The following CYP2U1 variants were observed in gnomAD, a reference collection of about 807,000 sequenced individuals.
The protein encoded by CYP2U1 is cytochrome P450 family 2 subfamily U member 1.
A neutral mutation model predicts 42.8 loss-of-function variants in CYP2U1; 28 were observed. That is an observed-to-expected ratio of 0.65 (90% CI 0.48 to 0.90). The LOEUF is 0.90. Ranked by LOEUF, CYP2U1 falls within the 40% of genes least tolerant of loss-of-function variation. CYP2U1 has a pLI of 0.00. For missense variants in CYP2U1, 642 were observed against 693.8 expected, an observed-to-expected ratio of 0.93 and a Z score of 0.84; for synonymous variants, 296 against 278.9, an observed-to-expected ratio of 1.06 and a Z score of -0.61.
chr4:107,932,151 G>A lies in CYP2U1; in HGVS notation c.490+18G>A, dbSNP rs781284978. On this transcript the variant is annotated intron_variant, in intron 1 of 4. Coordinates refer to ENST00000332884, the MANE Select transcript of CYP2U1 (RefSeq NM_183075.3). ...GGAGAAGGGTGAGCGGGAGGTCGTG[G>A]GCTGTGGGTACGCGGATGCCGCGGA... 1.3e-5 allele frequency: 20 copies of A among 1,595,598 alleles called. No homozygotes were observed. The highest frequency in any genetic ancestry group is 3.4e-5 in the South Asian group (3 of 88,678).
intron 1 of CYP2U1, among the ~76,000 whole-genome samples, chr4:107,934,630 G>A (rs1051787749): frequency 6.6e-6 from 1 of 152,072 alleles, no homozygotes; most frequent in Non-Finnish European, 1.5e-5. Flanking sequence ...GACCTACTAT[G>A]GCCTGAAGGA....
At chr4:107,937,079 A>T (rs936386514) in intron 1 of CYP2U1, among the ~76,000 whole-genome samples, 2 of 152,240 alleles carry the variant, frequency 1.3e-5, no homozygotes, top group Non-Finnish European at 2.9e-5. Flanking sequence ...GGATAATATC[A>T]CTGGAGACTT....
chr4:107,933,453 A>T (rs1040960934), intron 1 of CYP2U1, among the ~76,000 whole-genome samples: 1 of 152,254 alleles, frequency 6.6e-6, no homozygotes, highest in Non-Finnish European at 1.5e-5. Context: ...CATGTAGTGG[A>T]TGAGGTGTGA....
At chr4:107,942,413 T>C (rs1044691216) in intron 1 of CYP2U1, among the ~76,000 whole-genome samples, 1 of 152,164 alleles carries the variant, frequency 6.6e-6, no homozygotes, top group Non-Finnish European at 1.5e-5. Flanking sequence ...CTAAATAAGT[T>C]TGAGAAACTG....
In CYP2U1 at chr4:107,952,243, T is replaced by C. The variant is rs1733935556; in HGVS notation, c.*1820T>C. Reference sequence around the variant, plus strand: ...GTGATAAATCAGTGTATATTATTTGTTAATGTCCATTAAAGCCAGTTTTTA... The same window carrying C: ...GTGATAAATCAGTGTATATTATTTGCTAATGTCCATTAAAGCCAGTTTTTA... On this transcript the variant is annotated 3_prime_UTR_variant, in exon 5 of 5. Coordinates refer to ENST00000332884, the MANE Select transcript of CYP2U1 (RefSeq NM_183075.3). 1 of 152,252 alleles carries C rather than the reference T, an allele frequency of 6.6e-6. No homozygotes were observed. The allele number at this position is 152,252 out of a possible 1,614,324, so 9.4% of individuals were successfully genotyped here. A position where few individuals can be genotyped will look rare whatever the true frequency, so the allele number is the denominator to read the frequency against.
Position 107,931,699 on chromosome 4 carries a change from G to C in CYP2U1, c.56G>C (p.Arg19Pro). The change falls in exon 1 of 5, where the codon CGC (arginine) becomes CCC (proline). Residue 19 changes from arginine (R) to proline (P), a missense_variant. Coordinates refer to ENST00000332884, the MANE Select transcript of CYP2U1 (RefSeq NM_183075.3). Reference protein sequence around the residue: ...PPAEDPPWPARLLRAPLGLLR... With the variant: ...PPAEDPPWPAPLLRAPLGLLR... ...GCCGAGGACCCGCCCTGGCCCGCGC[G>C]CCTCCTGCGTGCGCCTCTGGGGCTG... 3 of 1,341,958 alleles carry C rather than the reference G, an allele frequency of 2.2e-6. No individual in the cohort carries two copies. The highest frequency in any genetic ancestry group is 2.8e-6 in the Non-Finnish European group (3 of 1,055,742). 83.1% of individuals were successfully genotyped at this position (1,341,958 alleles called of 1,614,324 possible).
intron 1 of CYP2U1, among the ~76,000 whole-genome samples, chr4:107,935,009 C>T (rs1733206825): frequency 6.6e-6 from 1 of 152,106 alleles, no homozygotes; most frequent in South Asian, 2.1e-4. Flanking sequence ...CCACTGTATC[C>T]CTACTTCTTG....
chr4:107,939,516 G>A (rs1223290930), intron 1 of CYP2U1, among the ~76,000 whole-genome samples: 2 of 152,140 alleles, frequency 1.3e-5, no homozygotes, highest in East Asian at 1.9e-4. Context: ...CTACATTTCT[G>A]CACCACAACA....
intron 1 of CYP2U1, chr4:107,938,512 G>GA (rs1453646101): frequency 6.6e-6 from 1 of 152,126 alleles, no homozygotes; most frequent in African/African-American, 2.4e-5. Flanking sequence ...ATTTTTCATT[G>GA]AAAAGCTGGT....
At chr4:107,947,243 C>T (rs1380358308) in intron 2 of CYP2U1, 133 bp from the exon 3 acceptor site, 2 of 743,244 alleles carry the variant, frequency 2.7e-6, no homozygotes, top group Admixed American at 2.5e-5. Context: ...GCTTCAACTT[C>T]ACTGAGGCAG....
chr4:107,948,522 G>A (rs1427411158), intron 3 of CYP2U1, among the ~76,000 whole-genome samples: 8 of 152,008 alleles, frequency 5.3e-5, no homozygotes, highest in Non-Finnish European at 8.8e-5. Flanking sequence ...AGCCAAGATT[G>A]CACCACTGCA....
intron 1 of CYP2U1, among the ~76,000 whole-genome samples, chr4:107,932,580 A>G (rs1170083399): frequency 1.3e-5 from 2 of 152,204 alleles, no homozygotes; most frequent in African/African-American, 4.8e-5. Flanking sequence ...CAATAAGATA[A>G]AAAGTCCAGA....
rs139224667 is a variant in CYP2U1 at position 107,950,324 on chromosome 4, A to G, written c.1536A>G (p.Ala512=). ...LMFVSLMQSF[A]FALPEDSKKP... ...TTGTGAGCCTAATGCAGAGTTTCGC[A>G]TTTGCTTTACCTGAGGATTCTAAGA... The change falls in exon 5 of 5, where the codon GCA becomes GCG. Residue 512 remains alanine (A), a synonymous_variant. Transcript: ENST00000332884. The G allele has an allele frequency of 3.7e-6, 6 of 1,613,952 alleles. No individual in the cohort carries two copies. The highest frequency in any genetic ancestry group is 1.3e-5 in the African/African-American group (1 of 74,916).
At chr4:107,940,268 T>C (rs1219471890) in intron 1 of CYP2U1, 1 of 151,870 alleles carries the variant, frequency 6.6e-6, no homozygotes, top group Non-Finnish European at 1.5e-5. Flanking sequence ...TTTTTATTTT[T>C]TAAAGACAGG....
At chr4:107,937,558 GA>G (rs1266282431) in intron 1 of CYP2U1, 1 of 151,288 alleles carries the variant, frequency 6.6e-6, no homozygotes, top group African/African-American at 2.4e-5. Flanking sequence ...GCCCAGGCTG[GA>G]GTGCAGTTGC....
At chr4:107,947,621 G>C (rs754863289) in intron 3 of CYP2U1, 84 bp downstream of exon 3, 15 of 1,373,276 alleles carry the variant, frequency 1.1e-5, no homozygotes, top group African/African-American at 1.4e-5. Flanking sequence ...GGGGTGTGGT[G>C]ACTGTTGTCT....
At chr4:107,933,852 T>C (rs1733145660) in intron 1 of CYP2U1, among the ~76,000 whole-genome samples, 1 of 152,192 alleles carries the variant, frequency 6.6e-6, no homozygotes, top group Non-Finnish European at 1.5e-5. Flanking sequence ...AGTCTACACA[T>C]TCAGTACAGA....
chr4:107,948,847 A>G (rs112617455), intron 3 of CYP2U1, among the ~76,000 whole-genome samples: 3 of 152,186 alleles, frequency 2.0e-5, no homozygotes, highest in Non-Finnish European at 2.9e-5. Flanking sequence ...TACAAGTTAG[A>G]TAGACTGTTT....
intron 1 of CYP2U1, chr4:107,936,139 G>A (rs1349319987): frequency 1.3e-5 from 2 of 152,076 alleles, no homozygotes; most frequent in Non-Finnish European, 2.9e-5. Context: ...AACTAGATAG[G>A]CCATAAAGAT....
Sources: gnomAD v4.1 joint callset for allele counts (sites outside exome capture counted in the v4.1 genomes callset) on GRCh38, gnomAD v4.1.1 for gene constraint, MANE v1.5 for transcripts, NCBI Gene and HGNC (gene_info 2026-07-23, HGNC 2026-07-21) for gene names.